Variants in TMEM108 observed in about 807,000 individuals in gnomAD.
The protein encoded by TMEM108 is cancer/testis antigen 124.
Under a neutral mutation model 35.1 loss-of-function variants are expected in TMEM108, and 12 were observed. That is an observed-to-expected ratio of 0.34 (90% confidence interval 0.22 to 0.55). The LOEUF (loss-of-function observed/expected upper bound fraction) is 0.55. Among genes scored for constraint, TMEM108 ranks in the 20% least tolerant of loss-of-function variants. The pLI is 0.89. For synonymous variants in TMEM108, 287 were observed against 308.6 expected (o/e 0.93, Z 0.73); for missense variants, 680 against 753.3 (o/e 0.90, Z 1.14).
At chr3:133,100,470 A>G (rs1004918526) in intron 2 of TMEM108, among the ~76,000 whole-genome samples, 1 of 152,130 alleles carries the variant, frequency 6.6e-6, no homozygotes, top group Non-Finnish European at 1.5e-5. Flanking sequence ...TGGGCATAGC[A>G]GTGCACTCCT....
intron 2 of TMEM108, among the ~76,000 whole-genome samples, chr3:133,167,342 T>C (rs944060305): frequency 5.3e-5 from 8 of 152,252 alleles, no homozygotes; most frequent in African/African-American, 1.9e-4. Flanking sequence ...CTTTGCCTAG[T>C]GGATCCTGCT....
At chr3:133,236,063 A>G (rs956398428) in intron 3 of TMEM108, among the ~76,000 whole-genome samples, 3 of 152,136 alleles carry the variant, frequency 2.0e-5, no homozygotes, top group Non-Finnish European at 4.4e-5. Flanking sequence ...TTATGAGAAT[A>G]TGATGTTTTT....
intron 2 of TMEM108, among the ~76,000 whole-genome samples, chr3:133,046,996 C>G (rs2107672229): frequency 6.6e-6 from 1 of 152,232 alleles, no homozygotes; most frequent in East Asian, 1.9e-4. Flanking sequence ...CCTCATGTGG[C>G]TCAGTAATGA....
In TMEM108 at chr3:133,180,256, A is replaced by C. The variant is rs573041550; in HGVS notation, c.-46-49010A>C. On this transcript the variant is annotated intron_variant, in intron 2 of 5. Transcript: ENST00000321871. ...GAATATTGCATTTTTCAAATGGAAG[A>C]ACTTCCAACTGACCAGAAGTTCATA... is the stretch of plus-strand genomic sequence containing the variant. 2.3e-4 allele frequency among the ~76,000 whole-genome samples: 35 copies of C among 152,326 alleles called. No homozygotes were observed. The South Asian group carries it at 6.2e-3, about 27-fold the overall frequency.
At chr3:133,365,645 T>C (rs975504547) in intron 3 of TMEM108, among the ~76,000 whole-genome samples, 2 of 152,202 alleles carry the variant, frequency 1.3e-5, no homozygotes, top group Admixed American at 6.5e-5. Flanking sequence ...GTTGTGGTGC[T>C]CTGTCTCCCC....
At chr3:133,332,082 GCACACACACACA>G (rs66877804) in intron 3 of TMEM108, among the ~76,000 whole-genome samples, 6,479 of 151,024 alleles carry the variant, frequency 0.043, 175 homozygotes, top group Non-Finnish European at 0.062. Flanking sequence ...GTGCGCACGT[GCACACACACACA>G]CACACACACA....
intron 2 of TMEM108, among the ~76,000 whole-genome samples, chr3:133,055,115 C>T (rs1943451240): frequency 6.6e-6 from 1 of 152,064 alleles, no homozygotes; most frequent in Non-Finnish European, 1.5e-5. Flanking sequence ...GATCCCCATC[C>T]CCTGTATTGA....
At chr3:133,179,667 G>T (rs9838197) in intron 2 of TMEM108, among the ~76,000 whole-genome samples, 40,914 of 151,284 alleles carry the variant, frequency 0.27, 5,764 homozygotes, top group Middle Eastern at 0.38. Flanking sequence ...GGGGTGGGGG[G>T]AGTGGGGAGG....
chr3:133,162,782 A>T (rs1944979823), intron 2 of TMEM108, among the ~76,000 whole-genome samples: 1 of 152,218 alleles, frequency 6.6e-6, no homozygotes, highest in Admixed American at 6.5e-5. Flanking sequence ...TTGGGAATAG[A>T]AATTATTTCC....
intron 3 of TMEM108, among the ~76,000 whole-genome samples, chr3:133,330,682 T>A (rs369423268): frequency 1.6e-4 from 24 of 152,334 alleles, no homozygotes; most frequent in East Asian, 1.2e-3. Flanking sequence ...ATTTAGCTTT[T>A]TCTAGACAAT....
chr3:133,395,721 C>A, intron 5 of TMEM108, 143 bp from the exon 6 acceptor site: 2 of 782,572 alleles, frequency 2.6e-6, no homozygotes, highest in Non-Finnish European at 3.6e-6. Context: ...GGCTGTGCAC[C>A]TCAGCATTAG....
intron 2 of TMEM108, among the ~76,000 whole-genome samples, chr3:133,135,491 GATGGAGCTAGAGAGGTGA>G (rs539694578): frequency 4.1e-4 from 62 of 152,324 alleles, no homozygotes; most frequent in African/African-American, 1.5e-3. Flanking sequence ...GTTGGTGCCA[GATGGAGCTAGAGAGGTGA>G]ATTAGCTAGA....
chr3:133,129,038 A>G (rs980985242), intron 2 of TMEM108, among the ~76,000 whole-genome samples: 3 of 152,108 alleles, frequency 2.0e-5, no homozygotes, highest in Non-Finnish European at 2.9e-5. Flanking sequence ...AAAGTCCCCA[A>G]TGACCTCCTA....
intron 2 of TMEM108, among the ~76,000 whole-genome samples, chr3:133,069,166 G>A (rs1304829164): frequency 6.6e-6 from 1 of 152,182 alleles, no homozygotes; most frequent in Non-Finnish European, 1.5e-5. Flanking sequence ...CATGAGGATG[G>A]AGCCGATGGC....
intron 3 of TMEM108, among the ~76,000 whole-genome samples, chr3:133,322,945 T>C (rs1339435587): frequency 6.6e-6 from 1 of 152,230 alleles, no homozygotes; most frequent in East Asian, 1.9e-4. Flanking sequence ...GAAAAGCGTT[T>C]GACAAAATCC....
intron 4 of TMEM108, among the ~76,000 whole-genome samples, chr3:133,385,239 T>C (rs2073117803): frequency 6.6e-6 from 1 of 152,206 alleles, no homozygotes; most frequent in Non-Finnish European, 1.5e-5. Context: ...CATGTCTCCT[T>C]GGAGCTTACG....
At chr3:133,090,953 A>G (rs962687452) in intron 2 of TMEM108, among the ~76,000 whole-genome samples, 1 of 152,154 alleles carries the variant, frequency 6.6e-6, no homozygotes, top group East Asian at 1.9e-4. Context: ...AGTGATGATC[A>G]TCCTTGCACA....
intron 3 of TMEM108, chr3:133,378,316 T>A: frequency 8.1e-6 from 8 of 983,974 alleles, no homozygotes; most frequent in Non-Finnish European, 9.7e-6. Context: ...CCTGGAGATC[T>A]CCTCCCCATC....
chr3:133,170,814 A>G (rs964669453), intron 2 of TMEM108, among the ~76,000 whole-genome samples: 4 of 152,210 alleles, frequency 2.6e-5, no homozygotes, highest in African/African-American at 9.6e-5. Flanking sequence ...AAATATAGGT[A>G]TTGTTGCTGA....
Sources: gnomAD v4.1 joint callset for allele counts (sites outside exome capture counted in the v4.1 genomes callset) on GRCh38, gnomAD v4.1.1 for gene constraint, MANE v1.5 for transcripts, NCBI Gene and HGNC (gene_info 2026-07-23, HGNC 2026-07-21) for gene names.